TMCC2: variants seen among roughly 807,000 people sequenced by gnomAD.
The protein encoded by TMCC2 is transmembrane and coiled-coil domains protein 2.
TMCC2 carries 16 observed loss-of-function variants against 49.4 expected under a neutral mutation model. The ratio of observed to expected loss-of-function variants is 0.32; its 90% confidence interval spans 0.22 to 0.49. The LOEUF (loss-of-function observed/expected upper bound fraction) is 0.49, where lower values mean the gene tolerates loss of function less well. TMCC2 is among the 20% of genes least tolerant of loss of function. The probability of loss-of-function intolerance (pLI) is 0.99; values close to 1 mark genes in which losing one functional copy is unlikely to be tolerated. For missense variants in TMCC2, 762 were observed against 989.8 expected, an observed-to-expected ratio of 0.77 and a Z score of 3.09; for synonymous variants, 397 against 434.1, an observed-to-expected ratio of 0.91 and a Z score of 1.06.
intron 2 of TMCC2, among the ~76,000 whole-genome samples, chr1:205,253,071 G>C (rs752280147): frequency 2.0e-5 from 3 of 152,046 alleles, no homozygotes; most frequent in Non-Finnish European, 4.4e-5. Flanking sequence ...AGAGTTTGAG[G>C]CTTCCGTGAA....
At chr1:205,260,650 T>A (rs1337440005) in intron 2 of TMCC2, among the ~76,000 whole-genome samples, 1 of 152,156 alleles carries the variant, frequency 6.6e-6, no homozygotes, top group Non-Finnish European at 1.5e-5. Flanking sequence ...AAGGAAACCC[T>A]GTACCCATTA....
intron 2 of TMCC2, among the ~76,000 whole-genome samples, chr1:205,247,910 C>T (rs1170551342): frequency 6.6e-6 from 1 of 151,944 alleles, no homozygotes. Flanking sequence ...GAGGCTCACC[C>T]CAGCCCCACC....
chr1:205,271,379 A>G (rs758271430), intron 4 of TMCC2, 124 bp downstream of exon 4: 1 of 1,506,496 alleles, frequency 6.6e-7, no homozygotes, highest in Non-Finnish European at 9.2e-7. Flanking sequence ...CGGGGCCGAT[A>G]GGCACATGGA....
chr1:205,244,290 G>A (rs1390221053), intron 2 of TMCC2, among the ~76,000 whole-genome samples: 1 of 152,238 alleles, frequency 6.6e-6, no homozygotes, highest in Non-Finnish European at 1.5e-5. Context: ...GAAGATAGCA[G>A]TGAGGAAGGG....
intron 3 of TMCC2, 36 bp downstream of exon 3, chr1:205,269,920 G>A (rs752699815): frequency 2.3e-5 from 36 of 1,582,990 alleles, no homozygotes; most frequent in East Asian, 4.5e-5. Flanking sequence ...CAGCCCAGCC[G>A]GACGTGGGAT....
intron 1 of TMCC2, among the ~76,000 whole-genome samples, chr1:205,237,582 T>A (rs1660104669): frequency 6.6e-6 from 1 of 152,256 alleles, no homozygotes; most frequent in Non-Finnish European, 1.5e-5. Flanking sequence ...GAAACCACTT[T>A]TGGTCATTTT....
At chr1:205,254,593 T>A (rs909234398) in intron 2 of TMCC2, among the ~76,000 whole-genome samples, 1 of 152,198 alleles carries the variant, frequency 6.6e-6, no homozygotes, top group African/African-American at 2.4e-5. Context: ...GAACTATTGG[T>A]TCCCTCCTGA....
At chr1:205,234,939 G>C (rs144162371) in intron 1 of TMCC2, among the ~76,000 whole-genome samples, 9,826 of 152,140 alleles carry the variant, frequency 0.065, 482 homozygotes, top group South Asian at 0.13. Flanking sequence ...GATTATAAGC[G>C]TGAGCCACTG....
chr1:205,260,049 G>A lies in TMCC2; in HGVS notation c.748-8901G>A, dbSNP rs141973638. Reference sequence around the variant, plus strand: ...TGGCTGGTAGGGTCCCTGAGCAGGGGGCATTCTGGTGTGGAGGGGGATCAT... The same window carrying A: ...TGGCTGGTAGGGTCCCTGAGCAGGGAGCATTCTGGTGTGGAGGGGGATCAT... On this transcript the variant is annotated intron_variant, in intron 2 of 4. Transcript: ENST00000358024. Among the ~76,000 whole-genome samples the A allele has an allele frequency of 3.0e-4, 45 of 152,292 alleles. No individual in the cohort carries two copies. The East Asian group carries it at 8.5e-3, about 29-fold the overall frequency.
intron 2 of TMCC2, chr1:205,256,411 A>G: frequency 6.4e-7 from 1 of 1,550,956 alleles, no homozygotes; most frequent in Non-Finnish European, 8.7e-7. Flanking sequence ...GGAGGAAGAG[A>G]CTGCTGTGAG....
rs143566813 is a variant in TMCC2, at chr1:205,256,753, T to G, written c.748-12197T>G. Among the ~76,000 whole-genome samples, 181 of 152,302 alleles carry G rather than the reference T, an allele frequency of 1.2e-3. 2 individuals are homozygous for G. Among genetic ancestry groups the G allele is most frequent in the African/African-American group, 4.1e-3 (171 of 41,558 alleles). On this transcript the variant is annotated intron_variant, in intron 2 of 4. Transcript: ENST00000358024. The stretch of plus-strand genomic sequence containing the variant: ...TCCAGGCTCTAGTCTTTTTTGGCTT[T>G]GGAGAGCTCTTCGCTATCCTGGAAG...
intron 2 of TMCC2, among the ~76,000 whole-genome samples, chr1:205,245,845 G>A (rs928012973): frequency 5.4e-5 from 8 of 147,216 alleles, no homozygotes; most frequent in African/African-American, 1.5e-4. Context: ...CATCCATCTC[G>A]GCTCACTGCA....
intron 4 of TMCC2, 120 bp from the exon 5 acceptor site, chr1:205,271,693 C>T (rs1237364722): frequency 2.2e-6 from 3 of 1,346,544 alleles, no homozygotes; most frequent in Admixed American, 2.3e-5. Context: ...ACCTCCACTC[C>T]TCCTGGCCTT....
intron 2 of TMCC2, among the ~76,000 whole-genome samples, chr1:205,243,862 G>A (rs1660362059): frequency 6.6e-6 from 1 of 152,212 alleles, no homozygotes; most frequent in African/African-American, 2.4e-5. Context: ...AAAGGAGGAT[G>A]TGTCGAATGA....
intron 2 of TMCC2, among the ~76,000 whole-genome samples, chr1:205,245,151 G>A (rs1457225097): frequency 1.3e-5 from 2 of 152,138 alleles, no homozygotes; most frequent in Admixed American, 6.5e-5. Context: ...CAGGGACCTC[G>A]AAGGCCAGGC....
At chr1:205,270,169 C>T (rs750994070) in intron 3 of TMCC2, among the ~76,000 whole-genome samples, 7 of 152,284 alleles carry the variant, frequency 4.6e-5, no homozygotes, top group South Asian at 2.1e-4. Flanking sequence ...GCCTCGGCCT[C>T]CTGAGTAGCT....
chr1:205,263,652 T>TGCACTCCA (rs571682565), intron 2 of TMCC2, among the ~76,000 whole-genome samples: 6 of 152,080 alleles, frequency 3.9e-5, no homozygotes, highest in Admixed American at 6.6e-5. Context: ...ATTACCTTAC[T>TGCACTCCA]GCACTCCAGC....
intron 3 of TMCC2, among the ~76,000 whole-genome samples, chr1:205,270,399 G>A (rs1168763810): frequency 2.0e-5 from 3 of 152,086 alleles, no homozygotes; most frequent in Non-Finnish European, 4.4e-5. Flanking sequence ...ACCTCCAGTC[G>A]GAGCTCCTGG....
At chr1:205,269,959 AG>A in intron 3 of TMCC2, 75 bp downstream of exon 3, 1 of 1,439,394 alleles carries the variant, frequency 6.9e-7, no homozygotes, top group Non-Finnish European at 9.5e-7. Flanking sequence ...TTTCAGACCC[AG>A]GGTGTGGAGG....
Sources: gnomAD v4.1 joint callset for allele counts (sites outside exome capture counted in the v4.1 genomes callset) on GRCh38, gnomAD v4.1.1 for gene constraint, MANE v1.5 for transcripts, NCBI Gene and HGNC (gene_info 2026-07-23, HGNC 2026-07-21) for gene names.